NLGN1: variants seen among roughly 807,000 people sequenced by gnomAD.
NLGN1 encodes the protein neuroligin-1.
NLGN1 carries 12 observed loss-of-function variants against 65.5 expected under a neutral mutation model. That is an observed-to-expected ratio of 0.18 (90% CI 0.12 to 0.30). NLGN1 has a LOEUF of 0.30. Among genes scored for constraint, NLGN1 ranks in the 10% least tolerant of loss-of-function variants. The pLI, the probability that NLGN1 is intolerant of heterozygous loss-of-function variation, is 1.00. For missense variants in NLGN1, 750 were observed against 1,007.1 expected (o/e 0.74, Z 3.46); for synonymous variants, 350 against 359.5 (o/e 0.97, Z 0.30).
At chr3:174,040,503 C>T (rs1164635023) in intron 4 of NLGN1, among the ~76,000 whole-genome samples, 2 of 151,908 alleles carry the variant, frequency 1.3e-5, no homozygotes, top group Non-Finnish European at 2.9e-5. Flanking sequence ...GTGTAGGGCA[C>T]CTCATTTTAT....
intron 4 of NLGN1, among the ~76,000 whole-genome samples, chr3:173,823,776 T>C (rs913552578): frequency 6.6e-5 from 10 of 152,056 alleles, no homozygotes; most frequent in South Asian, 2.1e-4. Flanking sequence ...GGGAGAAATA[T>C]TTGCAACAAG....
chr3:174,237,578 G>A (rs1198062694), intron 4 of NLGN1, among the ~76,000 whole-genome samples: 1 of 150,518 alleles, frequency 6.6e-6, no homozygotes. Flanking sequence ...TTTTCTTCTT[G>A]AGACAGTCTT....
intron 4 of NLGN1, among the ~76,000 whole-genome samples, chr3:174,047,938 G>A (rs1404490057): frequency 6.6e-6 from 1 of 152,022 alleles, no homozygotes; most frequent in South Asian, 2.1e-4. Context: ...TGGATGTTCT[G>A]CGATCTTAAG....
intron 3 of NLGN1, among the ~76,000 whole-genome samples, chr3:173,663,976 G>A (rs1761338619): frequency 6.6e-6 from 1 of 151,634 alleles, no homozygotes; most frequent in Non-Finnish European, 1.5e-5. Flanking sequence ...TTCCCCTTTA[G>A]CAAAATGTTG....
intron 4 of NLGN1, among the ~76,000 whole-genome samples, chr3:174,169,441 G>C (rs1728120970): frequency 1.3e-5 from 2 of 151,840 alleles, no homozygotes; most frequent in Non-Finnish European, 2.9e-5. Flanking sequence ...TCTGTACCAA[G>C]ATCTGTGCAC....
intron 4 of NLGN1, among the ~76,000 whole-genome samples, chr3:174,076,679 T>TAGAGAGAGAGAGAGAG (rs3979619): frequency 8.6e-5 from 8 of 92,920 alleles, no homozygotes; most frequent in African/African-American, 2.8e-4. Context: ...TCTGGGACCA[T>TAGAGAGAGAGAGAGAG]AGAGAGAGAG....
rs573225578 is a variant in NLGN1, at chr3:173,983,484, C to G, written c.646+175652C>G. ...ATCCTGAATCAGAGACATGTGTATC[C>G]TTGTTTGAAAGGCAGATTCCTGAGT... On this transcript the variant is annotated intron_variant, in intron 4 of 6. Transcript: ENST00000457714. Among the ~76,000 whole-genome samples, 8 of 152,252 alleles carry G rather than the reference C, an allele frequency of 5.3e-5. No homozygotes were observed. In the East Asian group the frequency reaches 1.4e-3, roughly 26 times the overall value.
At chr3:174,206,627 C>A (rs2152783309) in intron 4 of NLGN1, among the ~76,000 whole-genome samples, 1 of 152,312 alleles carries the variant, frequency 6.6e-6, no homozygotes, top group Non-Finnish European at 1.5e-5. Flanking sequence ...CTCTCAGAGT[C>A]TCCCTCGGCT....
At chr3:174,191,298 A>G (rs1732351134) in intron 4 of NLGN1, among the ~76,000 whole-genome samples, 1 of 152,132 alleles carries the variant, frequency 6.6e-6, no homozygotes, top group African/African-American at 2.4e-5. Context: ...AGAAAGTAGC[A>G]GTTAATGTCA....
chr3:173,802,844 C>CTTT (rs35414458), intron 3 of NLGN1, among the ~76,000 whole-genome samples: 4 of 142,492 alleles, frequency 2.8e-5, no homozygotes, highest in East Asian at 2.1e-4. Flanking sequence ...GAATGTATAT[C>CTTT]TTTTTTTTTT....
intron 4 of NLGN1, among the ~76,000 whole-genome samples, chr3:174,023,991 C>G (rs1405672180): frequency 6.6e-6 from 1 of 152,070 alleles, no homozygotes; most frequent in Non-Finnish European, 1.5e-5. Context: ...ATAAAACACA[C>G]TTGTAACATC....
At chr3:173,858,021 C>A (rs577611902) in intron 4 of NLGN1, among the ~76,000 whole-genome samples, 2 of 144,778 alleles carry the variant, frequency 1.4e-5, no homozygotes, top group Non-Finnish European at 3.0e-5. Flanking sequence ...CTAAAAATTG[C>A]TACTAGAATG....
At chr3:173,489,696 C>T (rs1391447532) in intron 2 of NLGN1, among the ~76,000 whole-genome samples, 2 of 151,936 alleles carry the variant, frequency 1.3e-5, no homozygotes, top group African/African-American at 4.9e-5. Context: ...TTTACAGTCC[C>T]ACCAACAGTG....
chr3:173,781,013 G>A (rs958716275), intron 3 of NLGN1, among the ~76,000 whole-genome samples: 4 of 151,466 alleles, frequency 2.6e-5, no homozygotes, highest in Admixed American at 2.6e-4. Context: ...GCGTGGTGGC[G>A]GGCGCCTGTA....
At chr3:173,970,720 G>A (rs1015742355) in intron 4 of NLGN1, among the ~76,000 whole-genome samples, 1 of 152,090 alleles carries the variant, frequency 6.6e-6, no homozygotes, top group African/African-American at 2.4e-5. Context: ...TGTGACTTGT[G>A]CATGTTATTT....
intron 3 of NLGN1, among the ~76,000 whole-genome samples, chr3:173,709,803 C>CA (rs59998502): frequency 0.31 from 21,077 of 68,336 alleles, 3,141 homozygotes; most frequent in Non-Finnish European, 0.33. Flanking sequence ...AACTCTATCT[C>CA]AAAAAAAAAA....
At chr3:173,455,540 T>C (rs986028442) in intron 2 of NLGN1, among the ~76,000 whole-genome samples, 5 of 152,146 alleles carry the variant, frequency 3.3e-5, no homozygotes, top group African/African-American at 1.2e-4. Context: ...TTTTGAGAAT[T>C]ACCAAAATAT....
chr3:174,088,416 CAAAAG>C lies in NLGN1; in HGVS notation c.647-186892_647-186888del, dbSNP rs568764288. ...TTGAGGGCGTTGTTTATCAAACTGTCAAAAGAAAAGAGAGAGAATAGGATTTTTAA... is the reference window on the plus strand; with the variant it reads ...TTGAGGGCGTTGTTTATCAAACTGTCAAAAGAGAGAGAATAGGATTTTTAA... On this transcript the variant is annotated intron_variant, in intron 4 of 6. Coordinates refer to ENST00000457714, the Ensembl canonical transcript of NLGN1. 1.2e-4 allele frequency among the ~76,000 whole-genome samples: 19 copies of C among 152,116 alleles called. No individual in the cohort carries two copies. The South Asian group carries it at 3.5e-3, about 28-fold the overall frequency.
intron 2 of NLGN1, among the ~76,000 whole-genome samples, chr3:173,485,246 C>T (rs1727990723): frequency 6.6e-6 from 1 of 151,962 alleles, no homozygotes; most frequent in East Asian, 1.9e-4. Flanking sequence ...TGAGTCCCTC[C>T]CACAACATGT....
Sources: gnomAD v4.1 joint callset for allele counts (sites outside exome capture counted in the v4.1 genomes callset) on GRCh38, gnomAD v4.1.1 for gene constraint, MANE v1.5 for transcripts, NCBI Gene and HGNC (gene_info 2026-07-23, HGNC 2026-07-21) for gene names.